Variants in ZNF487 observed in about 807,000 individuals in gnomAD.
ZNF487 encodes KRAB domain only 1.
ZNF487 carries 4 observed loss-of-function variants against 3.0 expected under a neutral mutation model. The ratio of observed to expected loss-of-function variants is 1.35; its 90% CI spans 0.66 to 3.08. The LOEUF is 3.08. ZNF487 is among the 30% of genes most tolerant of loss of function. ZNF487 has a pLI of 0.01. For synonymous variants in ZNF487, 55 were observed against 34.6 expected (o/e 1.59, Z -2.06); for missense variants, 146 against 98.7 (o/e 1.48, Z -2.03).
downstream of ZNF487, among the ~76,000 whole-genome samples, chr10:43,487,455 T>C (rs949227253): frequency 2.1e-5 from 3 of 141,376 alleles, no homozygotes; most frequent in Admixed American, 2.1e-4. Flanking sequence ...CATTTTTTTC[T>C]TTTTTTTTTT....
chr10:43,453,582 A>AGT (rs1248795493), intron 1 of ZNF487: 1 of 152,186 alleles, frequency 6.6e-6, no homozygotes, highest in Admixed American at 6.6e-5. Flanking sequence ...TAACCACAAC[A>AGT]GTATATATCA....
At chr10:43,468,500 A>G (rs896034052) in intron 1 of ZNF487, among the ~76,000 whole-genome samples, 3 of 151,250 alleles carry the variant, frequency 2.0e-5, no homozygotes, top group African/African-American at 7.3e-5. Flanking sequence ...ACCAACATGG[A>G]GAAACCCCGT....
the ZNF487 span, among the ~76,000 whole-genome samples, chr10:43,493,383 A>G: frequency 1.3e-5 from 2 of 151,450 alleles, no homozygotes; most frequent in African/African-American, 4.9e-5. Flanking sequence ...CTGTCTTTGT[A>G]TTTGAACTCT....
chr10:43,483,728 A>G (rs189897840), downstream of ZNF487, among the ~76,000 whole-genome samples: 27 of 152,120 alleles, frequency 1.8e-4, no homozygotes, highest in South Asian at 4.2e-4. Context: ...GATTTTCACT[A>G]TGTTGGCCAG....
intron 1 of ZNF487, among the ~76,000 whole-genome samples, chr10:43,448,661 T>C (rs1240183291): frequency 2.0e-5 from 3 of 151,118 alleles, no homozygotes; most frequent in Non-Finnish European, 4.4e-5. Context: ...ACCAAAAATA[T>C]AAAAAATTAG....
intron 1 of ZNF487, among the ~76,000 whole-genome samples, chr10:43,474,785 A>G (rs974602555): frequency 6.6e-6 from 1 of 151,806 alleles, no homozygotes; most frequent in East Asian, 1.9e-4. Context: ...GTTTCACCAC[A>G]TTGGCCAGGC....
At chr10:43,450,399 C>T (rs1177827389) in intron 1 of ZNF487, among the ~76,000 whole-genome samples, 2 of 151,994 alleles carry the variant, frequency 1.3e-5, no homozygotes, top group African/African-American at 4.8e-5. Context: ...GTTGCCCAGG[C>T]TGGAGTGCAA....
At chr10:43,446,306 G>GC (rs1376484324) in intron 1 of ZNF487, among the ~76,000 whole-genome samples, 9 of 150,108 alleles carry the variant, frequency 6.0e-5, no homozygotes, top group Non-Finnish European at 4.4e-5. Flanking sequence ...GGGCGGGGGC[G>GC]CCCCCCACCT....
rs1003875231 is a variant in ZNF487 at position 43,448,329 on chromosome 10, G to GT, written c.-94+11077dup. On this transcript the variant is annotated intron_variant, in intron 1 of 3. Coordinates refer to ENST00000437590, the MANE Select transcript of ZNF487 (RefSeq NM_001355444.3). Reference sequence around the variant, plus strand: ...TTGTCCTTACGTTTTGTCAAAAAATGTTTTTTTTTTCCAATATAACCTGGT... The same window carrying GT: ...TTGTCCTTACGTTTTGTCAAAAAATGTTTTTTTTTTTCCAATATAACCTGGT... Among the ~76,000 whole-genome samples, 951 of 149,300 alleles carry GT rather than the reference G, an allele frequency of 6.4e-3. 11 individuals carry two copies. Among genetic ancestry groups the GT allele is most frequent in the African/African-American group, 0.018 (728 of 40,716 alleles).
the ZNF487 span, among the ~76,000 whole-genome samples, chr10:43,489,551 A>T: frequency 3.9e-5 from 6 of 151,998 alleles, no homozygotes; most frequent in Non-Finnish European, 8.8e-5. Flanking sequence ...ACGGGGTTTT[A>T]CCATGTTGGC....
intron 1 of ZNF487, among the ~76,000 whole-genome samples, chr10:43,468,176 C>A (rs186694762): frequency 6.6e-6 from 1 of 152,204 alleles, no homozygotes; most frequent in South Asian, 2.1e-4. Context: ...GCTTCTTATG[C>A]GTGAGATAAG....
At chr10:43,442,058 C>A (rs1045974559) in intron 1 of ZNF487, among the ~76,000 whole-genome samples, 2 of 151,846 alleles carry the variant, frequency 1.3e-5, no homozygotes, top group African/African-American at 2.4e-5. Flanking sequence ...CCTGTCTGTA[C>A]GAAAAAAAAT....
chr10:43,474,998 C>A (rs547617127), intron 1 of ZNF487, among the ~76,000 whole-genome samples: 7 of 152,142 alleles, frequency 4.6e-5, no homozygotes, highest in Non-Finnish European at 8.8e-5. Flanking sequence ...GCTCCTCCCC[C>A]CTGTACAAGG....
chr10:43,513,654 T>C, the ZNF487 span, among the ~76,000 whole-genome samples: 2 of 152,194 alleles, frequency 1.3e-5, no homozygotes, highest in Non-Finnish European at 2.9e-5. Context: ...ATAATAGCCC[T>C]TATCCTACCA....
At chr10:43,520,250 C>T in the ZNF487 span, among the ~76,000 whole-genome samples, 1 of 152,006 alleles carries the variant, frequency 6.6e-6, no homozygotes, top group African/African-American at 2.4e-5. Context: ...TTCACTCTTC[C>T]TTCCTTTACT....
chr10:43,484,482 C>T (rs964712292), downstream of ZNF487, among the ~76,000 whole-genome samples: 2 of 151,892 alleles, frequency 1.3e-5, no homozygotes, highest in Non-Finnish European at 2.9e-5. Flanking sequence ...TGGTGGGCAC[C>T]TATAATCTCA....
chr10:43,506,664 C>A, the ZNF487 span, among the ~76,000 whole-genome samples: 2 of 152,178 alleles, frequency 1.3e-5, no homozygotes, highest in African/African-American at 4.8e-5. Context: ...GAAAAGCCTG[C>A]CTCCCAAAGC....
At chr10:43,507,493 A>G in the ZNF487 span, among the ~76,000 whole-genome samples, 1 of 152,206 alleles carries the variant, frequency 6.6e-6, no homozygotes, top group Non-Finnish European at 1.5e-5. Context: ...GTCTAAGAGC[A>G]TGAAGGTGCA....
chr10:43,440,398 TA>T (rs1839554898), intron 1 of ZNF487, among the ~76,000 whole-genome samples: 1 of 151,636 alleles, frequency 6.6e-6, no homozygotes, highest in Admixed American at 6.6e-5. Context: ...GGCTCACACC[TA>T]TAATCCCAGC....
Sources: gnomAD v4.1 joint callset for allele counts (sites outside exome capture counted in the v4.1 genomes callset) on GRCh38, gnomAD v4.1.1 for gene constraint, MANE v1.5 for transcripts, NCBI Gene and HGNC (gene_info 2026-07-23, HGNC 2026-07-21) for gene names.